The following SEC16B variants were observed in gnomAD, a reference collection of about 807,000 sequenced individuals.
SEC16B encodes SEC16 homolog B, endoplasmic reticulum export factor, also known as protein transport protein Sec16B.
Under a neutral mutation model 141.8 loss-of-function variants are expected in SEC16B, and 115 were observed. The observed-to-expected ratio is 0.81, with a 90% CI of 0.70 to 0.95. The LOEUF (loss-of-function observed/expected upper bound fraction) is 0.95. Among genes scored for constraint, SEC16B ranks in the 40% least tolerant of loss-of-function variants. The pLI, the probability that SEC16B is intolerant of heterozygous loss-of-function variation, is 0.00. For missense variants in SEC16B, 1,291 were observed against 1,312.3 expected, an observed-to-expected ratio of 0.98 and a Z score of 0.25; for synonymous variants, 493 against 492.5, an observed-to-expected ratio of 1.00 and a Z score of -0.01.
intron 1 of SEC16B, among the ~76,000 whole-genome samples, chr1:177,981,768 C>T (rs1283962917): frequency 6.6e-6 from 1 of 152,090 alleles, no homozygotes; most frequent in African/African-American, 2.4e-5. Context: ...GCCTGCAGGA[C>T]AATGTACTGG....
intron 25 of SEC16B, 95 bp downstream of exon 25, chr1:177,930,450 C>A: frequency 1.3e-6 from 1 of 785,534 alleles, no homozygotes; most frequent in Admixed American, 2.6e-5. Flanking sequence ...CAAGAACTCA[C>A]ATATCATAAA....
At chr1:177,962,411 G>T (rs2101986991) in intron 5 of SEC16B, among the ~76,000 whole-genome samples, 1 of 151,454 alleles carries the variant, frequency 6.6e-6, no homozygotes, top group South Asian at 2.1e-4. Context: ...TATGCTCCAG[G>T]TACTGTGCTT....
intron 12 of SEC16B, among the ~76,000 whole-genome samples, chr1:177,949,620 T>C (rs1421844834): frequency 6.6e-6 from 1 of 152,130 alleles, no homozygotes; most frequent in African/African-American, 2.4e-5. Flanking sequence ...CTCTCTCCCT[T>C]AATTTTCACA....
intron 1 of SEC16B, among the ~76,000 whole-genome samples, chr1:177,981,783 G>C (rs567242193): frequency 3.3e-5 from 5 of 152,288 alleles, no homozygotes; most frequent in Admixed American, 3.3e-4. Flanking sequence ...TACTGGAGGT[G>C]TCTTAGGCAG....
At chr1:177,962,793 A>G (rs1355432993) in intron 5 of SEC16B, among the ~76,000 whole-genome samples, 1 of 151,312 alleles carries the variant, frequency 6.6e-6, no homozygotes, top group Non-Finnish European at 1.5e-5. Flanking sequence ...TTGTGTGCAT[A>G]CAAGTAAAAT....
At chr1:177,972,177 C>T (rs1186733053), upstream of SEC16B, among the ~76,000 whole-genome samples, 3 of 151,850 alleles carry the variant, frequency 2.0e-5, no homozygotes, top group Non-Finnish European at 2.9e-5. Flanking sequence ...ACTCTTCAAA[C>T]ACTCACCAAC....
chr1:177,951,793 C>G, intron 12 of SEC16B, 121 bp downstream of exon 12: 1 of 789,622 alleles, frequency 1.3e-6, no homozygotes, highest in South Asian at 1.6e-5. Flanking sequence ...TGGTGATTAA[C>G]AAACCATTAA....
At position 177,965,906 on chromosome 1, in the gene SEC16B, C is replaced by T. The variant is rs775462005; in HGVS notation, c.399G>A (p.Leu133=). The change falls in exon 3 of 26, where the codon CTG becomes CTA. Residue 133 remains leucine (L), a synonymous_variant. Coordinates refer to ENST00000308284, the MANE Select transcript of SEC16B (RefSeq NM_033127.4). ...SYYYHGHPQW[L]QEERVPRQRS... is the part of the protein sequence containing the mutation. ...ACTTTTCCATACCTCTTTCTTCCTG[C>T]AGCCACTGTGGGTGTCCATGATAGT... 1.9e-6 allele frequency: 3 copies of T among 1,586,800 alleles called. No individual in the cohort carries two copies. The highest frequency in any genetic ancestry group is 2.6e-6 in the Non-Finnish European group (3 of 1,163,908).
chr1:177,966,496 C>T (rs1270024978), intron 2 of SEC16B, among the ~76,000 whole-genome samples: 1 of 152,162 alleles, frequency 6.6e-6, no homozygotes, highest in Non-Finnish European at 1.5e-5. Context: ...CTGAACACGC[C>T]TCTCTTTGAG....
chr1:177,933,407 T>A, intron 21 of SEC16B, 77 bp downstream of exon 21: 2 of 1,571,810 alleles, frequency 1.3e-6, no homozygotes, highest in Non-Finnish European at 1.7e-6. Flanking sequence ...GAGCCCAGAC[T>A]TCCAAGTCTG....
rs73045062 is a variant in SEC16B, at chr1:177,975,795, C to A, written c.-58-7756G>T. 8.2e-3 allele frequency among the ~76,000 whole-genome samples: 1,247 copies of A among 152,298 alleles called. 22 individuals are homozygous for A. The highest frequency in any genetic ancestry group is 0.026 in the African/African-American group (1,066 of 41,560). On this transcript the variant is annotated intron_variant and NMD_transcript_variant, in intron 1 of 24. Transcript: ENST00000528461. ...GTGCAGAGCAGCCTCTTGACTCCAA[C>A]TAAGCTACCCCCTGGAAACAGTCCT...
Position 177,960,827 on chromosome 1 carries a change from G to A in SEC16B, c.900C>T (p.Asp300=), listed in dbSNP as rs761699854. Residue 300 remains aspartate (D), a synonymous_variant, in exon 7 of 26, where the codon GAC becomes GAT. Coordinates refer to ENST00000308284, the MANE Select transcript of SEC16B (RefSeq NM_033127.4). The stretch of plus-strand genomic sequence containing the variant: ...GCAGTTCAACAAGGGCTGCTTGCCC[G>A]TCAGTGGGAGAGCTGGGACCTACAT... ...LVHVGPSSPT[D]GQAALVELHS... The A allele has an allele frequency of 1.2e-4, 198 of 1,610,944 alleles. No homozygotes were observed. Among genetic ancestry groups the A allele is most frequent in the Admixed American group, 2.5e-4 (15 of 59,764 alleles).
rs376869367 is a variant in SEC16B at position 177,939,713 on chromosome 1, C to T, written c.2192G>A (p.Gly731Glu). 5 of 1,594,760 alleles carry T rather than the reference C, an allele frequency of 3.1e-6. No homozygotes were observed. In the African/African-American group the frequency reaches 4.0e-5, roughly 13 times the overall value. ...ATCATTTTGGGTACCTGTTGTTGTTCCTCCGGCTCCCGAAATATCTGAGCG... is the reference window on the plus strand; with the variant it reads ...ATCATTTTGGGTACCTGTTGTTGTTTCTCCGGCTCCCGAAATATCTGAGCG... ...PTRSDISGAG[G>E]TTTENTFYQD... The change falls in exon 18 of 26, where the codon GGA becomes GAA. Residue 731 changes from glycine (G) to glutamate (E), a missense_variant. Physicochemically the swap from Gly to Glu is moderately conservative, Grantham distance 98. Coordinates refer to ENST00000308284, the MANE Select transcript of SEC16B (RefSeq NM_033127.4).
Position 177,960,178 on chromosome 1 carries a change from C to G in SEC16B, c.998+164G>C, listed in dbSNP as rs1166001865. The G allele has an allele frequency of 8.4e-6, 5 of 598,326 alleles. No homozygotes were observed. In the East Asian group the frequency reaches 1.4e-4, roughly 17 times the overall value. The allele number at this position is 598,326 out of a possible 1,614,324, so 37.1% of individuals were successfully genotyped here. Reference sequence around the variant, plus strand: ...TATTGAATGGCTTGTCAAAATGACTCAGGCCACATCTGGTTCTATCTTGCA... The same window carrying G: ...TATTGAATGGCTTGTCAAAATGACTGAGGCCACATCTGGTTCTATCTTGCA... On this transcript the variant is annotated intron_variant, in intron 8 of 25. Transcript: ENST00000308284.
chr1:177,940,409 A>C (rs1191253029), intron 17 of SEC16B, among the ~76,000 whole-genome samples: 2 of 152,184 alleles, frequency 1.3e-5, no homozygotes, highest in African/African-American at 4.8e-5. Flanking sequence ...GCTTCCACAC[A>C]GGGGACAAGC....
chr1:177,940,798 G>T, intron 16 of SEC16B, 84 bp from the exon 17 acceptor site: 2 of 847,802 alleles, frequency 2.4e-6, no homozygotes, highest in Admixed American at 2.3e-5. Context: ...AGACAACGGG[G>T]AAGAGAAAAC....
chr1:177,947,102 T>C (rs1377319340), intron 13 of SEC16B, among the ~76,000 whole-genome samples: 2 of 152,122 alleles, frequency 1.3e-5, no homozygotes, highest in Non-Finnish European at 2.9e-5. Flanking sequence ...CCACTCAGGG[T>C]GCTGCATGGC....
At chr1:177,948,666 G>C in intron 12 of SEC16B, 2 of 1,270,854 alleles carry the variant, frequency 1.6e-6, no homozygotes, top group Non-Finnish European at 2.1e-6. Context: ...TTTCAAGGCA[G>C]AAAATATCAA....
At chr1:177,941,486 C>T (rs1361756813) in intron 16 of SEC16B, among the ~76,000 whole-genome samples, 3 of 152,082 alleles carry the variant, frequency 2.0e-5, no homozygotes, top group African/African-American at 4.8e-5. Flanking sequence ...TTAAATGTAC[C>T]TCACATGTGA....
Sources: gnomAD v4.1 joint callset for allele counts (sites outside exome capture counted in the v4.1 genomes callset) on GRCh38, gnomAD v4.1.1 for gene constraint, MANE v1.5 for transcripts, NCBI Gene and HGNC (gene_info 2026-07-23, HGNC 2026-07-21) for gene names.